Variants in TSC22D2 observed in about 807,000 individuals in gnomAD.
The protein encoded by TSC22D2 is TSC22 domain family protein 2.
TSC22D2 carries 5 observed loss-of-function variants against 50.1 expected under a neutral mutation model. The observed-to-expected ratio is 0.10, with a 90% CI of 0.05 to 0.21. TSC22D2 has a LOEUF of 0.21. Ranked by LOEUF, TSC22D2 falls within the 10% of genes least tolerant of loss-of-function variation. TSC22D2 has a pLI of 1.00. For missense variants in TSC22D2, 1,003 were observed against 1,015.5 expected (o/e 0.99, Z 0.17); for synonymous variants, 501 against 450.1 (o/e 1.11, Z -1.43).
chr3:150,438,362 T>C, intron 1 of TSC22D2: 2 of 260,940 alleles, frequency 7.7e-6, no homozygotes, highest in South Asian at 7.8e-5. Context: ...TTGGTAAGAC[T>C]TAATGGCTTA....
At chr3:150,433,074 C>T (rs547281559) in intron 1 of TSC22D2, among the ~76,000 whole-genome samples, 40 of 152,222 alleles carry the variant, frequency 2.6e-4, no homozygotes, top group African/African-American at 9.4e-4. Flanking sequence ...TCATATTTGA[C>T]AGAAATAAAT....
Position 150,409,322 on chromosome 3 carries a change from T to C in TSC22D2, c.-29T>C. On this transcript the variant is annotated 5_prime_UTR_variant, in exon 1 of 3. Transcript: ENST00000688009. The surrounding 1 kb of genome is among the most constrained non-coding windows in gnomAD (Gnocchi z 7.4). ...CCGACAGGACCCAGAGGAGCCGGCG[T>C]GCCTCTCTGCCCTCCAGCCTTCTTC... 1 of 1,559,548 alleles carries C rather than the reference T, an allele frequency of 6.4e-7. No homozygotes were observed. Among genetic ancestry groups the C allele is most frequent in the Non-Finnish European group, 8.7e-7 (1 of 1,148,000 alleles).
intron 1 of TSC22D2, among the ~76,000 whole-genome samples, chr3:150,440,789 G>A (rs1290208774): frequency 4.6e-5 from 7 of 151,866 alleles, no homozygotes; most frequent in Admixed American, 2.0e-4. Flanking sequence ...TATCCTTTTT[G>A]TTGGTTTAAT....
chr3:150,409,424 G>C lies in TSC22D2; in HGVS notation c.74G>C (p.Ser25Thr). The change falls in exon 1 of 3, where the codon AGC becomes ACC. Residue 25 changes from serine to threonine, a missense_variant. Transcript: ENST00000688009. The surrounding 1 kb of genome is among the most constrained non-coding windows in gnomAD (Gnocchi z 7.4). ...TSVTTAQVAT[S>T]ITEDTESLDD... is the part of the protein sequence containing the mutation. ...GTCACCACGGCCCAGGTGGCCACTA[G>C]CATCACCGAGGACACCGAGAGCTTG... is the stretch of plus-strand genomic sequence containing the variant. 6.2e-7 allele frequency: 1 copy of C among 1,613,428 alleles called. No individual in the cohort carries two copies. Among genetic ancestry groups the C allele is most frequent in the Non-Finnish European group, 8.5e-7 (1 of 1,179,700 alleles).
chr3:150,419,028 A>C (rs937170301), intron 1 of TSC22D2, among the ~76,000 whole-genome samples: 2 of 152,050 alleles, frequency 1.3e-5, no homozygotes, highest in African/African-American at 4.8e-5. Context: ...CATTTGGTAC[A>C]TGTTGAGATA....
Position 150,410,811 on chromosome 3 carries a change from T to G in TSC22D2, c.1461T>G (p.Gly487=), listed in dbSNP as rs1376703177. The G allele has an allele frequency of 6.2e-7, 1 of 1,613,174 alleles. No homozygotes were observed. Among genetic ancestry groups the G allele is most frequent in the South Asian group, 1.1e-5 (1 of 91,028 alleles). The part of the protein sequence containing the change: ...QPQSVPPPQM[G]GSGPLSAVPG... The stretch of plus-strand genomic sequence containing the variant: ...AGTCCGTGCCTCCGCCGCAGATGGG[T>G]GGCAGTGGTCCGCTGTCAGCCGTAC... The change falls in exon 1 of 3, where the codon GGT becomes GGG. Residue 487 remains glycine (G), a synonymous_variant. Coordinates refer to ENST00000688009, the MANE Select transcript of TSC22D2 (RefSeq NM_001303264.2).
At chr3:150,423,740 A>G (rs1720086696) in intron 1 of TSC22D2, among the ~76,000 whole-genome samples, 1 of 152,214 alleles carries the variant, frequency 6.6e-6, no homozygotes, top group Non-Finnish European at 1.5e-5. Flanking sequence ...ATGGCAAAAG[A>G]TACTTTGGTT....
Position 150,409,738 on chromosome 3 carries a change from G to T in TSC22D2, c.388G>T (p.Ala130Ser). The change falls in exon 1 of 3, where the codon GCC becomes TCC. Residue 130 changes from alanine to serine, a missense_variant. Ala to Ser is a moderately conservative substitution (Grantham distance 99). This residue lies in a region of TSC22D2 where 200 missense variants were observed against 182.8 expected (regional missense o/e 1.09). Transcript: ENST00000688009. This position sits in a 1 kb window ranked among gnomAD's most constrained non-coding sequence, Gnocchi z 7.4. Reference sequence around the variant, plus strand: ...GGCGGCGGCTGCCACTTCGGCCCCCGCCCCCGGAGCACCCGGCGGCCCCCA... The same window carrying T: ...GGCGGCGGCTGCCACTTCGGCCCCCTCCCCCGGAGCACCCGGCGGCCCCCA... ...TLAAAATSAP[A>S]PGAPGGPQLA... 4 of 1,600,246 alleles carry T rather than the reference G, an allele frequency of 2.5e-6. No individual in the cohort carries two copies. Among genetic ancestry groups the T allele is most frequent in the East Asian group, 4.5e-5 (2 of 44,646 alleles).
At chr3:150,454,137 G>A (rs1054625801) in intron 1 of TSC22D2, among the ~76,000 whole-genome samples, 1 of 152,124 alleles carries the variant, frequency 6.6e-6, no homozygotes, top group Admixed American at 6.5e-5. Context: ...CAGAAAGGAT[G>A]GAGTAATTGG....
chr3:150,461,168 CAGG>C lies in TSC22D2; in HGVS notation c.*2535_*2537del, dbSNP rs951794130. Reference sequence around the variant, plus strand: ...AATAATAAGCTTTCCAGTGTAACGACAGGAGAAGATACTCAACTCATGGTCCAT... The same window carrying C: ...AATAATAAGCTTTCCAGTGTAACGACAGAAGATACTCAACTCATGGTCCAT... On this transcript the variant is annotated 3_prime_UTR_variant, in exon 3 of 3. Coordinates refer to ENST00000688009, the MANE Select transcript of TSC22D2 (RefSeq NM_001303264.2). The C allele has an allele frequency of 6.6e-6, 1 of 152,226 alleles. No homozygotes were observed. Among genetic ancestry groups the C allele is most frequent in the South Asian group, 2.1e-4 (1 of 4,830 alleles). The allele number at this position is 152,226 out of a possible 1,614,324, so 9.4% of individuals were successfully genotyped here.
At position 150,409,033 on chromosome 3, in the gene TSC22D2, C is replaced by G. The variant is rs1302487214; in HGVS notation, c.-318C>G. 8.4e-6 allele frequency: 2 copies of G among 238,724 alleles called. No homozygotes were observed. The highest frequency in any genetic ancestry group is 4.5e-5 in the African/African-American group (2 of 44,502). The allele number at this position is 238,724 out of a possible 1,614,324, so 14.8% of individuals were successfully genotyped here. On this transcript the variant is annotated 5_prime_UTR_variant, in exon 1 of 3. Coordinates refer to ENST00000688009, the MANE Select transcript of TSC22D2 (RefSeq NM_001303264.2). This position sits in a 1 kb window ranked among gnomAD's most constrained non-coding sequence, Gnocchi z 7.4. Reference sequence around the variant, plus strand: ...GAGAGAGGAAGCAGCCGGCCCGCCCCTGGGTTCGCGCTCTCGCCGCCTCTG... The same window carrying G: ...GAGAGAGGAAGCAGCCGGCCCGCCCGTGGGTTCGCGCTCTCGCCGCCTCTG...
intron 1 of TSC22D2, among the ~76,000 whole-genome samples, chr3:150,418,505 G>A (rs975674104): frequency 7.2e-5 from 11 of 151,924 alleles, no homozygotes; most frequent in African/African-American, 2.4e-4. Flanking sequence ...CAGCCACCCT[G>A]TTTGTCCTTA....
intron 1 of TSC22D2, among the ~76,000 whole-genome samples, chr3:150,452,034 C>T (rs1721055856): frequency 6.6e-6 from 1 of 152,026 alleles, no homozygotes; most frequent in African/African-American, 2.4e-5. Context: ...TCTTTTCTTT[C>T]ATGGGTTCTC....
chr3:150,451,072 G>A (rs138954130), intron 1 of TSC22D2, among the ~76,000 whole-genome samples: 434 of 152,196 alleles, frequency 2.9e-3, no homozygotes, highest in Non-Finnish European at 5.2e-3. Flanking sequence ...GGGCAAGGGG[G>A]TGTGAGCATG....
At chr3:150,434,569 T>C (rs555042553) in intron 1 of TSC22D2, among the ~76,000 whole-genome samples, 1 of 152,344 alleles carries the variant, frequency 6.6e-6, no homozygotes, top group Non-Finnish European at 1.5e-5. Context: ...TTAATTTCAA[T>C]ATCTTTTTCC....
rs1388341171 is a variant in TSC22D2, at chr3:150,461,425, A to G, written c.*2789A>G. The G allele has an allele frequency of 3.3e-5, 5 of 152,216 alleles. No individual in the cohort carries two copies. The allele number at this position is 152,216 out of a possible 1,614,324, so 9.4% of individuals were successfully genotyped here. A position where few individuals can be genotyped will look rare whatever the true frequency, so the allele number is the denominator to read the frequency against. On this transcript the variant is annotated 3_prime_UTR_variant, in exon 3 of 3. Transcript: ENST00000688009. ...GCACAGTCTTACAGGAATGCCATCT[A>G]TCTAATTCTGTCAGTGTAATGCCCA...
At chr3:150,450,470 A>G (rs1721006960) in intron 1 of TSC22D2, among the ~76,000 whole-genome samples, 2 of 152,028 alleles carry the variant, frequency 1.3e-5, no homozygotes, top group African/African-American at 4.8e-5. Flanking sequence ...TTTTTTAATC[A>G]TGAAATTAAA....
chr3:150,427,743 A>T (rs1448828866), intron 1 of TSC22D2, among the ~76,000 whole-genome samples: 4 of 151,982 alleles, frequency 2.6e-5, no homozygotes, highest in Admixed American at 6.6e-5. Flanking sequence ...CTTTTTAATG[A>T]TTGTCACCTT....
At chr3:150,453,944 T>C (rs1036084233) in intron 1 of TSC22D2, among the ~76,000 whole-genome samples, 3 of 152,208 alleles carry the variant, frequency 2.0e-5, no homozygotes, top group Non-Finnish European at 2.9e-5. Flanking sequence ...TGCCAAGTAC[T>C]ATGCATTATG....
Sources: allele counts gnomAD v4.1 joint callset (sites outside exome capture counted in the v4.1 genomes callset), GRCh38; gene constraint gnomAD v4.1.1; regional missense constraint gnomAD v4.1.1; non-coding constraint Gnocchi (gnomAD v3.1); transcripts MANE v1.5; gene names NCBI Gene and HGNC (gene_info 2026-07-23, HGNC 2026-07-21).